The following PTP4A2 variants were observed in gnomAD, a reference collection of about 807,000 sequenced individuals.
The protein encoded by PTP4A2 is protein tyrosine phosphatase type IVA 2.
A neutral mutation model predicts 22.9 loss-of-function variants in PTP4A2; 2 were observed. The ratio of observed to expected loss-of-function variants is 0.09; its 90% CI spans 0.04 to 0.27. The LOEUF is 0.27. Ranked by LOEUF, PTP4A2 falls within the 10% of genes least tolerant of loss-of-function variation. The pLI is 1.00. For synonymous variants in PTP4A2, 68 were observed against 69.1 expected (o/e 0.98, Z 0.08); for missense variants, 103 against 205.1 (o/e 0.50, Z 3.04).
intron 2 of PTP4A2, among the ~76,000 whole-genome samples, chr1:31,917,751 G>T (rs1312678799): frequency 1.3e-5 from 2 of 151,778 alleles, no homozygotes; most frequent in East Asian, 1.9e-4. Flanking sequence ...CGAGGAAGGC[G>T]GATCACGAGG....
chr1:31,937,069 T>G (rs953267765), intron 1 of PTP4A2, among the ~76,000 whole-genome samples: 2 of 152,162 alleles, frequency 1.3e-5, no homozygotes, highest in Admixed American at 1.3e-4. Flanking sequence ...TTACAAAAGT[T>G]TATGCTCCTG....
At chr1:31,908,993 T>G in intron 5 of PTP4A2, 33 bp from the exon 6 acceptor site, 2 of 1,470,340 alleles carry the variant, frequency 1.4e-6, no homozygotes, top group South Asian at 2.3e-5. Flanking sequence ...CTTTATCATG[T>G]AAAAAAAGAG....
At chr1:31,910,226 C>A in intron 4 of PTP4A2, 114 bp from the exon 5 acceptor site, 3 of 711,176 alleles carry the variant, frequency 4.2e-6, no homozygotes, top group Non-Finnish European at 7.2e-6. Flanking sequence ...TTCCTGTATA[C>A]TAAAGTAGCT....
chr1:31,910,185 A>G (rs1651458852), intron 4 of PTP4A2, 73 bp from the exon 5 acceptor site: 7 of 1,125,118 alleles, frequency 6.2e-6, no homozygotes, highest in Non-Finnish European at 9.3e-6. Flanking sequence ...CTGTAACTGC[A>G]TATTACCAAT....
At position 31,907,507 on chromosome 1, in the gene PTP4A2, CCT is replaced by C. The variant is rs1272897234; in HGVS notation, c.*1343_*1344del. The C allele has an allele frequency of 2.6e-5, 4 of 152,118 alleles. No individual in the cohort carries two copies. Among genetic ancestry groups the C allele is most frequent in the East Asian group, 1.9e-4 (1 of 5,196 alleles). 9.4% of individuals were successfully genotyped at this position (152,118 alleles called of 1,614,324 possible). On this transcript the variant is annotated 3_prime_UTR_variant, in exon 6 of 6. Coordinates refer to ENST00000647444, the MANE Select transcript of PTP4A2 (RefSeq NM_080391.4). ...GGGTTGCACGATGTCTCTCTTCTAC[CCT>C]GTTATGGCCTGTGGACACATACTCA...
At chr1:31,936,236 C>T (rs1308031143) in intron 1 of PTP4A2, among the ~76,000 whole-genome samples, 1 of 151,920 alleles carries the variant, frequency 6.6e-6, no homozygotes, top group Non-Finnish European at 1.5e-5. Context: ...GTCAGGAGTT[C>T]GAGACCAGCC....
At chr1:31,919,892 T>G (rs1204659585) in intron 1 of PTP4A2, among the ~76,000 whole-genome samples, 1 of 151,454 alleles carries the variant, frequency 6.6e-6, no homozygotes, top group East Asian at 1.9e-4. Flanking sequence ...TTTGGGAGGC[T>G]GAGGCAGGCA....
chr1:31,926,149 A>AAAAATATATATATATATAT (rs59088489), intron 1 of PTP4A2, among the ~76,000 whole-genome samples: 1 of 131,338 alleles, frequency 7.6e-6, no homozygotes, highest in African/African-American at 2.8e-5. Context: ...AAAAAAAAAA[A>AAAAATATATATATATATAT]ATATATATAT....
Position 31,915,947 on chromosome 1 carries a change from CAAACTCGAACCAA to C in PTP4A2, c.124_136del (p.Leu42ValfsTer18). 1 of 1,605,880 alleles carries C rather than the reference CAAACTCGAACCAA, an allele frequency of 6.2e-7. No homozygotes were observed. Among genetic ancestry groups the C allele is most frequent in the East Asian group, 2.2e-5 (1 of 44,522 alleles). ...TGGAGCTTTATCATATGTAGCATCA[CAAACTCGAACCAA>C]AGTCGTCACTCCATACTTCTTAAGT... is the stretch of plus-strand genomic sequence containing the variant. On this transcript the variant is annotated frameshift_variant, in exon 3 of 6. Coordinates refer to ENST00000647444, the MANE Select transcript of PTP4A2 (RefSeq NM_080391.4). LOFTEE classifies it high-confidence loss of function.
At chr1:31,920,778 T>C (rs1233785162) in intron 1 of PTP4A2, among the ~76,000 whole-genome samples, 2 of 152,058 alleles carry the variant, frequency 1.3e-5, no homozygotes, top group Non-Finnish European at 2.9e-5. Context: ...CCTCAGGTGA[T>C]TCGCTTGCCT....
intron 1 of PTP4A2, among the ~76,000 whole-genome samples, chr1:31,935,190 A>G (rs1652881908): frequency 6.6e-6 from 1 of 152,198 alleles, no homozygotes; most frequent in African/African-American, 2.4e-5. Flanking sequence ...CCAAAAAATA[A>G]AAAACATAAG....
rs1167002913 is a variant in PTP4A2 at position 31,916,345 on chromosome 1, CAAAAAAAAAAAAAAAA to C, written c.97-374_97-359del. Among the ~76,000 whole-genome samples the C allele has an allele frequency of 2.0e-4, 7 of 35,466 alleles. No homozygotes were observed. The South Asian group carries it at 4.9e-3, about 25-fold the overall frequency. The allele number at this position is 35,466 out of a possible 152,430, so 23.3% of individuals were successfully genotyped here. On this transcript the variant is annotated intron_variant, in intron 2 of 5. Coordinates refer to ENST00000647444, the MANE Select transcript of PTP4A2 (RefSeq NM_080391.4). ...GGGCGACAGAGCGAGACTCCGTCTC[CAAAAAAAAAAAAAAAA>C]AAAAAAAAAAAGAAATCTACTATTA...
At chr1:31,929,988 G>A (rs1354787998) in intron 1 of PTP4A2, among the ~76,000 whole-genome samples, 1 of 152,174 alleles carries the variant, frequency 6.6e-6, no homozygotes, top group African/African-American at 2.4e-5. Context: ...ATAACCTACA[G>A]CACAGGAGTA....
rs1022935057 is a variant in PTP4A2, at chr1:31,907,046, T to G, written c.*1806A>C. ...TTTTCTGGGATGGGAGAGGAGAGAA[T>G]CTACAGATTTGCGTTTAGTTAAAAA... On this transcript the variant is annotated 3_prime_UTR_variant, in exon 6 of 6. Coordinates refer to ENST00000647444, the MANE Select transcript of PTP4A2 (RefSeq NM_080391.4). 1.3e-5 allele frequency: 2 copies of G among 152,186 alleles called. No homozygotes were observed. Among genetic ancestry groups the G allele is most frequent in the African/African-American group, 2.4e-5 (1 of 41,442 alleles). 9.4% of individuals were successfully genotyped at this position (152,186 alleles called of 1,614,324 possible).
At chr1:31,913,900 T>A (rs913795447) in intron 3 of PTP4A2, 2 of 454,874 alleles carry the variant, frequency 4.4e-6, no homozygotes, top group African/African-American at 2.0e-5. Flanking sequence ...TGCAGCAAAA[T>A]AAACTTGTAT....
chr1:31,914,348 A>G (rs1651708503), intron 3 of PTP4A2: 1 of 451,648 alleles, frequency 2.2e-6, no homozygotes, highest in South Asian at 1.6e-5. Context: ...AACAGGCATG[A>G]GCCACCACAC....
chr1:31,922,391 G>A (rs1319176387), intron 1 of PTP4A2, among the ~76,000 whole-genome samples: 1 of 152,188 alleles, frequency 6.6e-6, no homozygotes, highest in Admixed American at 6.5e-5. Flanking sequence ...GCTGAGGCAG[G>A]AGAATTGCTT....
chr1:31,925,335 C>CT (rs1199781136), intron 1 of PTP4A2, among the ~76,000 whole-genome samples: 2 of 152,284 alleles, frequency 1.3e-5, no homozygotes, highest in Admixed American at 1.3e-4. Context: ...CTCCAGAGGG[C>CT]TAGTCCTCTG....
intron 1 of PTP4A2, among the ~76,000 whole-genome samples, chr1:31,922,608 TTC>T: frequency 6.7e-6 from 1 of 148,516 alleles, no homozygotes; most frequent in Non-Finnish European, 1.5e-5. Context: ...CTTTCTTTCT[TTC>T]TTTCTTTCTT....
Sources: allele counts gnomAD v4.1 joint callset (sites outside exome capture counted in the v4.1 genomes callset), GRCh38; gene constraint gnomAD v4.1.1; transcripts MANE v1.5; gene names NCBI Gene and HGNC (gene_info 2026-07-23, HGNC 2026-07-21).